CFAP54: variants seen among roughly 807,000 people sequenced by gnomAD.
The protein encoded by CFAP54 is cilia and flagella associated protein 54, also known as cilia- and flagella-associated protein 54.
Under a neutral mutation model 370.4 loss-of-function variants are expected in CFAP54, and 290 were observed. The ratio of observed to expected loss-of-function variants is 0.78; its 90% confidence interval spans 0.71 to 0.86. The LOEUF (loss-of-function observed/expected upper bound fraction) is 0.86, where lower values mean the gene tolerates loss of function less well. Ranked by LOEUF, CFAP54 falls within the 40% of genes least tolerant of loss-of-function variation. The probability of loss-of-function intolerance (pLI) is 0.00; values close to 1 mark genes in which losing one functional copy is unlikely to be tolerated. For synonymous variants in CFAP54, 1,206 were observed against 1,236.5 expected, an observed-to-expected ratio of 0.98 and a Z score of 0.52; for missense variants, 3,399 against 3,528.7, an observed-to-expected ratio of 0.96 and a Z score of 0.93.
chr12:96,845,824 A>G (rs1279198782), intron 66 of CFAP54, among the ~76,000 whole-genome samples: 1 of 152,194 alleles, frequency 6.6e-6, no homozygotes. Context: ...CATAATCTCT[A>G]TTTATTGGAA....
Position 96,718,492 on chromosome 12 carries a change from TA to T in CFAP54, c.6777del (p.Asp2260MetfsTer8). The T allele has an allele frequency of 8.9e-6, 14 of 1,575,774 alleles. No homozygotes were observed. Among genetic ancestry groups the T allele is most frequent in the Non-Finnish European group, 1.2e-5 (14 of 1,146,310 alleles). ...GTTCATTTTATAATCTTACAAAACT[TA>T]AAGATGAGATCACTCTTAGCATGCT... Reference protein sequence around the residue: ...GSSFYNLTKLKDEITLSMLKS... With the variant: ...GSSFYNLTKLXDEITLSMLKS... On this transcript the variant is annotated frameshift_variant, in exon 49 of 68. Transcript: ENST00000524981. LOFTEE classifies it high-confidence loss of function.
chr12:96,644,302 A>G lies in CFAP54; in HGVS notation c.4441A>G (p.Arg1481Gly), dbSNP rs888291085. ...TCTATCACTTGAAGAGATGCCCTGG[A>G]GAGCTCAGATGAACCTGTATCTAGC... Reference protein sequence around the residue: ...HRLSLEEMPWRAQMNLYLAGA... With the variant: ...HRLSLEEMPWGAQMNLYLAGA... The change falls in exon 33 of 68, where the codon AGA (arginine) becomes GGA (glycine). Residue 1481 changes from arginine (R) to glycine (G), a missense_variant. Physicochemically the swap from Arg to Gly is moderately radical, Grantham distance 125. This residue lies in a region of CFAP54 where 2,796 missense variants were observed against 2,869.7 expected (regional missense o/e 0.97). Coordinates refer to ENST00000524981, the MANE Select transcript of CFAP54 (RefSeq NM_001306084.2). The G allele has an allele frequency of 6.5e-7, 1 of 1,535,850 alleles. No homozygotes were observed. The highest frequency in any genetic ancestry group is 1.4e-5 in the African/African-American group (1 of 73,052).
At chr12:96,859,725 A>G (rs1322436298) in intron 66 of CFAP54, among the ~76,000 whole-genome samples, 1 of 152,044 alleles carries the variant, frequency 6.6e-6, no homozygotes, top group East Asian at 1.9e-4. Context: ...CACTCTTAAC[A>G]CTGTGTAGTT....
intron 8 of CFAP54, among the ~76,000 whole-genome samples, chr12:96,522,835 T>C (rs932460120): frequency 6.6e-5 from 10 of 152,192 alleles, no homozygotes; most frequent in Non-Finnish European, 1.3e-4. Context: ...TTCATGGGCA[T>C]TGATGCTCAA....
chr12:96,777,743 T>A (rs1235251116), intron 60 of CFAP54, among the ~76,000 whole-genome samples: 1 of 152,132 alleles, frequency 6.6e-6, no homozygotes, highest in Non-Finnish European at 1.5e-5. Context: ...ACTGCTAGGA[T>A]GGTTTGGTGC....
intron 66 of CFAP54, among the ~76,000 whole-genome samples, chr12:96,838,531 C>T (rs1959193631): frequency 6.6e-6 from 1 of 151,986 alleles, no homozygotes; most frequent in African/African-American, 2.4e-5. Flanking sequence ...GCATGTCTTA[C>T]ATGTGGCAGG....
intron 64 of CFAP54, among the ~76,000 whole-genome samples, chr12:96,812,801 G>T (rs544460068): frequency 6.6e-6 from 1 of 152,258 alleles, no homozygotes; most frequent in South Asian, 2.1e-4. Context: ...AAGAGACAAA[G>T]GCTGTTTCAA....
intron 48 of CFAP54, among the ~76,000 whole-genome samples, chr12:96,715,665 TATTCTACCTGCATACTTCAAGGTA>T (rs1357569769): frequency 6.6e-6 from 1 of 152,206 alleles, no homozygotes; most frequent in Non-Finnish European, 1.5e-5. Context: ...TTCTCAGGAA[TATTCTACCTGCATACTTCAAGGTA>T]ATTCAATCTG....
chr12:96,809,576 G>A (rs1322097833), intron 63 of CFAP54, among the ~76,000 whole-genome samples: 2 of 152,112 alleles, frequency 1.3e-5, no homozygotes, highest in African/African-American at 4.8e-5. Flanking sequence ...TTTCATTGGA[G>A]TTTTCTCCTG....
At chr12:96,586,006 A>G (rs1286458400) in intron 22 of CFAP54, among the ~76,000 whole-genome samples, 1 of 151,998 alleles carries the variant, frequency 6.6e-6, no homozygotes, top group Non-Finnish European at 1.5e-5. Flanking sequence ...GTCTAGTACA[A>G]CTGCTGGGTG....
At chr12:96,635,945 C>T (rs1592897613) in intron 32 of CFAP54, among the ~76,000 whole-genome samples, 2 of 152,160 alleles carry the variant, frequency 1.3e-5, no homozygotes, top group Non-Finnish European at 2.9e-5. Context: ...CCTGAACCTC[C>T]GAGTTCAAGA....
chr12:96,649,934 T>C lies in CFAP54; in HGVS notation c.4734T>C (p.Asp1578=), dbSNP rs959052931. The change falls in exon 35 of 68, where the codon GAT becomes GAC. Residue 1578 remains aspartate, a synonymous_variant. Transcript: ENST00000524981. ...CATTTATTAATTCCATAATGAGTGA[T>C]GAAAATATGTCCAAGACACAAACAG... The part of the protein sequence containing the change: ...FSTFINSIMS[D]ENMSKTQTVY... The C allele has an allele frequency of 9.3e-6, 15 of 1,609,186 alleles. No homozygotes were observed. Among genetic ancestry groups the C allele is most frequent in the Admixed American group, 8.4e-5 (5 of 59,474 alleles).
At position 96,825,746 on chromosome 12, in the gene CFAP54, CATA is replaced by C. The variant is rs1057426379; in HGVS notation, c.9097-3261_9097-3259del. On this transcript the variant is annotated intron_variant, in intron 65 of 67. Transcript: ENST00000524981. The stretch of plus-strand genomic sequence containing the variant: ...AATATATTATATAAATATCACATTA[CATA>C]ATAATATGTATCATGATATATATTA... Among the ~76,000 whole-genome samples, 65 of 123,966 alleles carry C rather than the reference CATA, an allele frequency of 5.2e-4. 1 individual carries two copies. The South Asian group carries it at 0.011, about 21-fold the overall frequency. 81.3% of individuals were successfully genotyped at this position (123,966 alleles called of 152,430 possible).
chr12:96,764,117 A>C, intron 58 of CFAP54, 34 bp from the exon 59 acceptor site: 1 of 1,450,074 alleles, frequency 6.9e-7, no homozygotes, highest in Non-Finnish European at 9.6e-7. Flanking sequence ...TTATCACAAA[A>C]CTTTATATCA....
chr12:96,648,094 T>C lies in CFAP54; in HGVS notation c.4690+77T>C, dbSNP rs1196048847. ...CTAAACAACACAGCACACATACACA[T>C]TGTGGACACACAAATGTATACACCC... On this transcript the variant is annotated intron_variant, in intron 34 of 67. Transcript: ENST00000524981. The C allele has an allele frequency of 1.3e-5, 14 of 1,106,780 alleles. No individual in the cohort carries two copies. In the African/African-American group the frequency reaches 1.3e-4, roughly 10 times the overall value. The allele number at this position is 1,106,780 out of a possible 1,614,324, so 68.6% of individuals were successfully genotyped here.
intron 59 of CFAP54, 128 bp downstream of exon 59, chr12:96,764,377 C>T (rs1958375667): frequency 1.6e-6 from 1 of 609,304 alleles, no homozygotes; most frequent in Admixed American, 3.3e-5. Flanking sequence ...TATCCCAGCA[C>T]TTTGGGAGGC....
rs551621150 is a variant in CFAP54 at position 96,645,094 on chromosome 12, T to C, written c.4547+686T>C. 3 of 455,022 alleles carry C rather than the reference T, an allele frequency of 6.6e-6. No individual in the cohort carries two copies. In the East Asian group the frequency reaches 2.1e-4, roughly 32 times the overall value. The allele number at this position is 455,022 out of a possible 1,614,324, so 28.2% of individuals were successfully genotyped here. On this transcript the variant is annotated intron_variant, in intron 33 of 67. Transcript: ENST00000524981. ...AGGCATTAGGCAAATGTCTATTTCA[T>C]AGAGGCGTACTTTAAGATCATATTT... is the stretch of plus-strand genomic sequence containing the variant.
chr12:96,811,689 C>G, intron 63 of CFAP54, 47 bp from the exon 64 acceptor site: 2 of 984,232 alleles, frequency 2.0e-6, no homozygotes, highest in Non-Finnish European at 2.9e-6. Flanking sequence ...TTGAGCTAAA[C>G]TCTAATTTTG....
chr12:96,826,970 A>G (rs143141119), intron 65 of CFAP54, among the ~76,000 whole-genome samples: 5,720 of 125,542 alleles, frequency 0.046, 321 homozygotes, highest in African/African-American at 0.14. Context: ...ATGCAATTAT[A>G]TATGATTATA....
Sources: allele counts gnomAD v4.1 joint callset (sites outside exome capture counted in the v4.1 genomes callset), GRCh38; gene constraint gnomAD v4.1.1; regional missense constraint gnomAD v4.1.1; transcripts MANE v1.5; gene names NCBI Gene and HGNC (gene_info 2026-07-23, HGNC 2026-07-21).